The following RANGAP1 variants were observed in gnomAD, a reference collection of about 807,000 sequenced individuals.
The protein encoded by RANGAP1 is ran GTPase-activating protein 1.
In RANGAP1, 38 loss-of-function variants were observed where a neutral mutation model predicts 63.5. The ratio of observed to expected loss-of-function variants is 0.60; its 90% CI spans 0.46 to 0.78. RANGAP1 has a LOEUF of 0.78. RANGAP1 is among the 30% of genes least tolerant of loss of function. The pLI is 0.00. For missense variants in RANGAP1, 630 were observed against 740.3 expected, an observed-to-expected ratio of 0.85 and a Z score of 1.73; for synonymous variants, 329 against 310.5, an observed-to-expected ratio of 1.06 and a Z score of -0.63.
chr22:41,255,812 G>A (rs1290342139), intron 10 of RANGAP1, among the ~76,000 whole-genome samples: 2 of 152,078 alleles, frequency 1.3e-5, no homozygotes, highest in African/African-American at 2.4e-5. Context: ...AAAGGGGCCA[G>A]GTGTGGTGGT....
At chr22:41,250,722 C>A (rs535014462) in intron 13 of RANGAP1, among the ~76,000 whole-genome samples, 1 of 152,278 alleles carries the variant, frequency 6.6e-6, no homozygotes, top group East Asian at 1.9e-4. Flanking sequence ...GTCCATTGGG[C>A]TTGCAGATGT....
intron 2 of RANGAP1, among the ~76,000 whole-genome samples, chr22:41,275,223 T>G (rs1316268206): frequency 1.3e-5 from 2 of 152,226 alleles, no homozygotes; most frequent in Admixed American, 6.5e-5. Context: ...CCCAGTGCAG[T>G]GGCTCACGCC....
chr22:41,274,721 T>C lies in RANGAP1; in HGVS notation c.119A>G (p.Asp40Gly). ...LKLNTAEDAK[D>G]VIKEIEDFDS... is the part of the protein sequence containing the mutation. ...AAAGTCTTCAATCTCTTTAATCACA[T>C]CTTTAGCTGCCAGGGACCAAAGAGC... The change falls in exon 3 of 16, where the codon GAT (aspartate) becomes GGT (glycine). Residue 40 changes from aspartate to glycine, a missense_variant. By Grantham distance (94) the Asp-to-Gly change is moderately conservative. Transcript: ENST00000356244. The C allele has an allele frequency of 1.9e-6, 3 of 1,614,026 alleles. No individual in the cohort carries two copies. Among genetic ancestry groups the C allele is most frequent in the Non-Finnish European group, 2.5e-6 (3 of 1,179,970 alleles).
chr22:41,263,576 G>A (rs2413639), intron 5 of RANGAP1, among the ~76,000 whole-genome samples: 50,127 of 152,034 alleles, frequency 0.33, 8,881 homozygotes, highest in Admixed American at 0.51. Context: ...GTAGAGATGG[G>A]GTTTCACCAT....
Position 41,252,920 on chromosome 22 carries a change from C to T in RANGAP1, c.1332G>A (p.Glu444=). The stretch of plus-strand genomic sequence containing the variant: ...TCTTGGGCCCTAGGCGCAGCAGCTT[C>T]TCTGGAGAGGGAAAAGCCAGGAAGG... The part of the protein sequence containing the change: ...VSTFLAFPSP[E]KLLRLGPKSS... The change falls in exon 12 of 16, where the codon GAG becomes GAA. Residue 444 remains glutamate (E), a synonymous_variant. Coordinates refer to ENST00000356244, the MANE Select transcript of RANGAP1 (RefSeq NM_002883.4). The T allele has an allele frequency of 6.4e-7, 1 of 1,567,628 alleles. No individual in the cohort carries two copies. The highest frequency in any genetic ancestry group is 1.9e-5 in the Admixed American group (1 of 51,788).
chr22:41,251,556 G>C (rs896073451), intron 12 of RANGAP1, among the ~76,000 whole-genome samples: 3 of 151,518 alleles, frequency 2.0e-5, no homozygotes, highest in Non-Finnish European at 4.4e-5. Flanking sequence ...AGCCCAGGAG[G>C]TCGAGGTTGC....
intron 6 of RANGAP1, among the ~76,000 whole-genome samples, chr22:41,259,245 G>C (rs955034273): frequency 1.3e-5 from 2 of 152,112 alleles, no homozygotes; most frequent in African/African-American, 4.8e-5. Context: ...ACTGTGCCAA[G>C]GAATCTTCTG....
chr22:41,299,301 T>G, the RANGAP1 span, among the ~76,000 whole-genome samples: 7 of 151,826 alleles, frequency 4.6e-5, no homozygotes, highest in Non-Finnish European at 7.4e-5. Flanking sequence ...CCTGGCTAAT[T>G]TTTTGTATTT....
chr22:41,278,636 T>TA (rs1250844865), intron 2 of RANGAP1, among the ~76,000 whole-genome samples: 1 of 152,262 alleles, frequency 6.6e-6, no homozygotes, highest in Non-Finnish European at 1.5e-5. Context: ...AGCTCTGCTA[T>TA]TTATCAAATG....
chr22:41,262,849 A>AG (rs1453741364), intron 5 of RANGAP1, among the ~76,000 whole-genome samples: 1 of 152,192 alleles, frequency 6.6e-6, no homozygotes, highest in Non-Finnish European at 1.5e-5. Flanking sequence ...TCTCAAGCAC[A>AG]GGGCCATGCC....
intron 2 of RANGAP1, among the ~76,000 whole-genome samples, chr22:41,275,385 G>C (rs1034676094): frequency 6.0e-5 from 9 of 150,788 alleles, no homozygotes; most frequent in Non-Finnish European, 1.5e-5. Flanking sequence ...CCAGCTACTC[G>C]GGAGGCTGAG....
At chr22:41,267,985 G>T in intron 4 of RANGAP1, 112 bp downstream of exon 4, 1 of 1,162,906 alleles carries the variant, frequency 8.6e-7, no homozygotes, top group Non-Finnish European at 1.2e-6. Context: ...CAGCAGCTCA[G>T]TCACCCACAG....
At chr22:41,273,315 G>A (rs1281464666) in intron 3 of RANGAP1, among the ~76,000 whole-genome samples, 2 of 152,216 alleles carry the variant, frequency 1.3e-5, no homozygotes, top group African/African-American at 2.4e-5. Flanking sequence ...AATACCCAGT[G>A]ACATCTCCCA....
chr22:41,264,194 C>T lies in RANGAP1; in HGVS notation c.480+470G>A, dbSNP rs1040032361. Among the ~76,000 whole-genome samples the T allele has an allele frequency of 3.3e-5, 5 of 152,124 alleles. No homozygotes were observed. The South Asian group carries it at 8.3e-4, about 25-fold the overall frequency. On this transcript the variant is annotated intron_variant, in intron 5 of 15. Transcript: ENST00000356244. ...GGAAGCAAAGAAGCTCCACTCTACA[C>T]TGACCAGCCCAACGTGAAGCTCTAC...
At chr22:41,250,565 G>T (rs565173571) in intron 13 of RANGAP1, among the ~76,000 whole-genome samples, 4 of 152,264 alleles carry the variant, frequency 2.6e-5, no homozygotes, top group African/African-American at 9.6e-5. Context: ...AGGGATATGG[G>T]CTGGTGCTCC....
chr22:41,253,106 C>G, intron 11 of RANGAP1, 115 bp from the exon 12 acceptor site: 2 of 1,115,300 alleles, frequency 1.8e-6, no homozygotes, highest in Non-Finnish European at 2.3e-6. Flanking sequence ...CATCTAGGCT[C>G]AAAGTCTAGA....
intron 6 of RANGAP1, among the ~76,000 whole-genome samples, chr22:41,260,773 G>A (rs1393646613): frequency 1.3e-5 from 2 of 152,170 alleles, no homozygotes; most frequent in Non-Finnish European, 2.9e-5. Context: ...GAACCTGGGA[G>A]GCGGAGACTG....
At chr22:41,274,821 C>T in intron 2 of RANGAP1, 94 bp from the exon 3 acceptor site, 1 of 1,495,428 alleles carries the variant, frequency 6.7e-7, no homozygotes, top group Non-Finnish European at 9.1e-7. Context: ...ACTCAACAGT[C>T]TATGGTGCAC....
At chr22:41,270,872 C>G (rs2034773288) in intron 3 of RANGAP1, among the ~76,000 whole-genome samples, 1 of 152,220 alleles carries the variant, frequency 6.6e-6, no homozygotes, top group African/African-American at 2.4e-5. Flanking sequence ...CGGAGCGCCA[C>G]AGTCCCTCAC....
Sources: allele counts gnomAD v4.1 joint callset (sites outside exome capture counted in the v4.1 genomes callset), GRCh38; gene constraint gnomAD v4.1.1; transcripts MANE v1.5; gene names NCBI Gene and HGNC (gene_info 2026-07-23, HGNC 2026-07-21).